The following HECW1 variants were observed in gnomAD, a reference collection of about 807,000 sequenced individuals.
The protein encoded by HECW1 is HECT, C2 and WW domain containing E3 ubiquitin protein ligase 1.
A neutral mutation model predicts 182.3 loss-of-function variants in HECW1; 61 were observed. The ratio of observed to expected loss-of-function variants is 0.33; its 90% CI spans 0.27 to 0.41. The LOEUF (loss-of-function observed/expected upper bound fraction) is 0.41. HECW1 is among the 10% of genes least tolerant of loss of function. The pLI, the probability that HECW1 is intolerant of heterozygous loss-of-function variation, is 1.00. For missense variants in HECW1, 1,739 were observed against 2,108.9 expected (o/e 0.82, Z 3.44); for synonymous variants, 859 against 832.6 (o/e 1.03, Z -0.55).
At chr7:43,245,959 A>C (rs1799341602) in intron 3 of HECW1, among the ~76,000 whole-genome samples, 1 of 152,150 alleles carries the variant, frequency 6.6e-6, no homozygotes, top group African/African-American at 2.4e-5. Context: ...AAAGTTCCCT[A>C]CACCTTCCCC....
rs1485933880 is a variant in HECW1, at chr7:43,500,700, G to A, written c.3439G>A (p.Glu1147Lys). The change falls in exon 20 of 30, where the codon GAG becomes AAG. Residue 1147 changes from glutamate to lysine, a missense_variant and splice_region_variant. Physicochemically the swap from Glu to Lys is moderately conservative, Grantham distance 56. Around this residue, in one of 5 missense-constraint regions of HECW1, gnomAD observed 420 missense variants for 595.7 expected, o/e 0.71. Transcript: ENST00000395891. ...PSLARNHTLR[E>K]KIHYIRTEGN... ...CCTCTTCTTTCTCACATGATTCAGG[G>A]AGAAAATCCATTACATTCGGACTGA... The A allele has an allele frequency of 1.2e-6, 2 of 1,612,374 alleles. No homozygotes were observed. The highest frequency in any genetic ancestry group is 2.7e-5 in the African/African-American group (2 of 74,884).
intron 5 of HECW1, among the ~76,000 whole-genome samples, chr7:43,336,150 C>CTCTCTG: frequency 1.9e-5 from 1 of 51,618 alleles, no homozygotes; most frequent in Admixed American, 2.6e-4. Flanking sequence ...CTCTTTCTCT[C>CTCTCTG]TCTCTCTCTC....
At chr7:43,471,852 G>A (rs2078036731) in intron 16 of HECW1, among the ~76,000 whole-genome samples, 1 of 152,160 alleles carries the variant, frequency 6.6e-6, no homozygotes, top group South Asian at 2.1e-4. Context: ...GAAGCAAACA[G>A]AATCTTGGTC....
intron 17 of HECW1, among the ~76,000 whole-genome samples, chr7:43,483,953 A>T (rs998325725): frequency 6.6e-6 from 1 of 152,128 alleles, no homozygotes; most frequent in African/African-American, 2.4e-5. Flanking sequence ...CCACAATCAG[A>T]TGGAAGGGGA....
chr7:43,384,044 G>C (rs2074671092), intron 6 of HECW1, among the ~76,000 whole-genome samples: 2 of 152,168 alleles, frequency 1.3e-5, no homozygotes, highest in African/African-American at 4.8e-5. Context: ...TGGTCTTGCT[G>C]TCTCTGAGTT....
intron 2 of HECW1, among the ~76,000 whole-genome samples, chr7:43,146,162 T>G (rs918351978): frequency 6.6e-6 from 1 of 152,248 alleles, no homozygotes; most frequent in Non-Finnish European, 1.5e-5. Context: ...TGTCCTAATT[T>G]CCTTTTCCAC....
chr7:43,527,247 G>A (rs1197027378), intron 24 of HECW1, among the ~76,000 whole-genome samples: 3 of 152,182 alleles, frequency 2.0e-5, no homozygotes, highest in Non-Finnish European at 4.4e-5. Context: ...CTATGCTGCG[G>A]GTGGGCACTC....
chr7:43,541,448 G>A (rs930887568), intron 25 of HECW1, among the ~76,000 whole-genome samples, 187 bp downstream of exon 25: 3 of 152,070 alleles, frequency 2.0e-5, no homozygotes, highest in African/African-American at 7.2e-5. Context: ...AAGGTATTTG[G>A]GGATTTTGTT....
chr7:43,513,557 A>C (rs970540936), intron 24 of HECW1, among the ~76,000 whole-genome samples: 1 of 152,188 alleles, frequency 6.6e-6, no homozygotes, highest in Non-Finnish European at 1.5e-5. Context: ...GCAGGGCATC[A>C]TGATTCCACC....
chr7:43,436,825 C>T (rs1474267704), intron 8 of HECW1, among the ~76,000 whole-genome samples: 1 of 152,120 alleles, frequency 6.6e-6, no homozygotes, highest in East Asian at 1.9e-4. Context: ...TTTTAAAAGT[C>T]ACACCATACA....
intron 2 of HECW1, among the ~76,000 whole-genome samples, chr7:43,178,647 C>T (rs1173899826): frequency 6.6e-6 from 1 of 152,168 alleles, no homozygotes; most frequent in African/African-American, 2.4e-5. Context: ...CCTTGTCTTG[C>T]GTTCTCTCAC....
chr7:43,146,902 AGGTGG>A, intron 2 of HECW1, among the ~76,000 whole-genome samples: 1 of 152,354 alleles, frequency 6.6e-6, no homozygotes, highest in African/African-American at 2.4e-5. Context: ...GGACTTGAGT[AGGTGG>A]TGAAGATCAT....
chr7:43,285,658 T>A (rs1361566201), intron 3 of HECW1, among the ~76,000 whole-genome samples: 2 of 152,024 alleles, frequency 1.3e-5, no homozygotes, highest in African/African-American at 2.4e-5. Flanking sequence ...AAAAAATTTT[T>A]AAAAATAGCT....
intron 2 of HECW1, among the ~76,000 whole-genome samples, chr7:43,237,829 CTT>C (rs200062919): frequency 1.4e-5 from 2 of 140,620 alleles, no homozygotes; most frequent in African/African-American, 3.0e-5. Flanking sequence ...ATTCACCAGT[CTT>C]TCCCCCCCGC....
chr7:43,219,267 G>A (rs372615571), intron 2 of HECW1, among the ~76,000 whole-genome samples: 15 of 152,142 alleles, frequency 9.9e-5, no homozygotes, highest in Non-Finnish European at 2.1e-4. Context: ...GCATATCAAA[G>A]GTTGCCAGCT....
At chr7:43,205,936 T>G (rs1234388321) in intron 2 of HECW1, among the ~76,000 whole-genome samples, 1 of 152,150 alleles carries the variant, frequency 6.6e-6, no homozygotes, top group Non-Finnish European at 1.5e-5. Context: ...CAGCCTGTCC[T>G]TTAGCCCTCC....
intron 2 of HECW1, among the ~76,000 whole-genome samples, chr7:43,168,235 CA>C (rs1370978840): frequency 3.9e-5 from 6 of 152,146 alleles, no homozygotes; most frequent in Admixed American, 2.0e-4. Context: ...TATCTTAATT[CA>C]GACCACAATT....
intron 24 of HECW1, among the ~76,000 whole-genome samples, chr7:43,528,477 A>G (rs138777725): frequency 8.5e-5 from 13 of 152,366 alleles, no homozygotes; most frequent in African/African-American, 3.1e-4. Flanking sequence ...GCTAACCAGA[A>G]TGATGGGTCA....
At chr7:43,113,707 A>T (rs1784824915) in intron 1 of HECW1, 1 of 210,028 alleles carries the variant, frequency 4.8e-6, no homozygotes, top group South Asian at 1.9e-4. Context: ...TTTTGGCTGG[A>T]GGTGCGCTTC....
Sources: allele counts gnomAD v4.1 joint callset (sites outside exome capture counted in the v4.1 genomes callset), GRCh38; gene constraint gnomAD v4.1.1; regional missense constraint gnomAD v4.1.1; transcripts MANE v1.5; gene names NCBI Gene and HGNC (gene_info 2026-07-23, HGNC 2026-07-21).